Variants in CCDC30 observed in about 807,000 individuals in gnomAD.
CCDC30 encodes the protein coiled-coil domain-containing protein 30.
Under a neutral mutation model 100.2 loss-of-function variants are expected in CCDC30, and 70 were observed. That is an observed-to-expected ratio of 0.70 (90% CI 0.58 to 0.85). The LOEUF is 0.85. CCDC30 is among the 40% of genes least tolerant of loss of function. CCDC30 has a pLI of 0.00. For missense variants in CCDC30, 652 were observed against 771.2 expected (o/e 0.85, Z 1.83); for synonymous variants, 233 against 269.5 (o/e 0.86, Z 1.33).
chr1:42,560,789 G>A (rs1362828322), intron 6 of CCDC30, among the ~76,000 whole-genome samples: 1 of 152,078 alleles, frequency 6.6e-6, no homozygotes, highest in Non-Finnish European at 1.5e-5. Flanking sequence ...CATTGACTCT[G>A]CAGAAATACA....
In CCDC30 at chr1:42,545,555, G is replaced by A. The variant is rs771159252; in HGVS notation, c.457-20741G>A. The A allele has an allele frequency of 1.1e-5, 17 of 1,606,100 alleles. No homozygotes were observed. Among genetic ancestry groups the A allele is most frequent in the South Asian group, 2.2e-5 (2 of 89,082 alleles). On this transcript the variant is annotated intron_variant, in intron 6 of 16. Coordinates refer to ENST00000668663, the Ensembl canonical transcript of CCDC30. ...ATTTTGGAAACAGAAATTCAAAGCC[G>A]AAAGGAAGAGACAGAGGAACTCTGG...
chr1:42,520,461 A>T (rs1323852627), intron 6 of CCDC30, among the ~76,000 whole-genome samples: 2 of 150,970 alleles, frequency 1.3e-5, no homozygotes, highest in East Asian at 3.9e-4. Flanking sequence ...CCTCCTGAGT[A>T]GCTGGGATTA....
intron 3 of CCDC30, among the ~76,000 whole-genome samples, chr1:42,487,272 C>CATTGA: frequency 6.6e-6 from 1 of 151,966 alleles, no homozygotes; most frequent in Non-Finnish European, 1.5e-5. Context: ...TACTAAAAAC[C>CATTGA]ATTGAATTGT....
chr1:42,624,477 G>A (rs939820268), intron 11 of CCDC30, among the ~76,000 whole-genome samples: 3 of 151,974 alleles, frequency 2.0e-5, no homozygotes, highest in African/African-American at 7.3e-5. Flanking sequence ...CCATTTGCTC[G>A]GTTTTTCATT....
chr1:42,576,701 C>T (rs1013219230), intron 7 of CCDC30, among the ~76,000 whole-genome samples: 1 of 152,112 alleles, frequency 6.6e-6, no homozygotes, highest in African/African-American at 2.4e-5. Flanking sequence ...TTTATTTTGG[C>T]AATGAAGAGG....
In CCDC30 at chr1:42,479,565, T is replaced by TAAAAAAAAAAAAAAAAAAAA. The variant is rs150749741; in HGVS notation, c.-91-896_-91-895insAAAAAAAAAAAAAAAAAAAA. Among the ~76,000 whole-genome samples, 6 of 139,950 alleles carry TAAAAAAAAAAAAAAAAAAAA rather than the reference T, an allele frequency of 4.3e-5. 1 individual carries two copies. Among genetic ancestry groups the TAAAAAAAAAAAAAAAAAAAA allele is most frequent in the Non-Finnish European group, 6.1e-5 (4 of 65,132 alleles). The allele number at this position is 139,950 out of a possible 152,430, so 91.8% of individuals were successfully genotyped here. A position where few individuals can be genotyped will look rare whatever the true frequency, so the allele number is the denominator to read the frequency against. ...GGAACAATTAGATATAGACATATGCTTAAAAAAAAAAAAAAAAGCCTCCCA... is the reference window on the plus strand; with the variant it reads ...GGAACAATTAGATATAGACATATGCTAAAAAAAAAAAAAAAAAAAATAAAAAAAAAAAAAAAAGCCTCCCA... On this transcript the variant is annotated intron_variant, in intron 1 of 16. Coordinates refer to ENST00000668663, the Ensembl canonical transcript of CCDC30.
At chr1:42,461,209 A>C (rs1643402211), upstream of CCDC30, among the ~76,000 whole-genome samples, 2 of 152,234 alleles carry the variant, frequency 1.3e-5, no homozygotes, top group South Asian at 4.1e-4. Context: ...GAAGTACAAT[A>C]AATTTAATTG....
chr1:42,539,918 TAAA>T (rs11286901), intron 6 of CCDC30, among the ~76,000 whole-genome samples: 10 of 138,620 alleles, frequency 7.2e-5, no homozygotes, highest in Non-Finnish European at 7.9e-5. Context: ...ACCCCATCTC[TAAA>T]AAAAAAAAAA....
intron 9 of CCDC30, among the ~76,000 whole-genome samples, chr1:42,582,483 C>T (rs1645987725): frequency 6.6e-6 from 1 of 152,148 alleles, no homozygotes; most frequent in Admixed American, 6.5e-5. Flanking sequence ...AATAATTCCC[C>T]ATCAAAACTC....
chr1:42,606,741 C>T (rs994665639), intron 10 of CCDC30, among the ~76,000 whole-genome samples: 53 of 152,094 alleles, frequency 3.5e-4, no homozygotes, highest in Admixed American at 5.2e-4. Context: ...CCACTAGTGA[C>T]GTCGGAAATG....
intron 11 of CCDC30, among the ~76,000 whole-genome samples, chr1:42,616,601 C>A (rs1646731786): frequency 6.6e-6 from 1 of 152,172 alleles, no homozygotes. Context: ...TATAGACAAC[C>A]TGGTTTTACT....
At chr1:42,570,978 A>T (rs997795552) in intron 7 of CCDC30, 4 of 152,344 alleles carry the variant, frequency 2.6e-5, no homozygotes, top group African/African-American at 9.7e-5. Flanking sequence ...ACGCTGATGT[A>T]GATCCTCTTC....
intron 6 of CCDC30, among the ~76,000 whole-genome samples, chr1:42,541,206 T>C (rs942336185): frequency 2.0e-5 from 3 of 152,204 alleles, no homozygotes; most frequent in Non-Finnish European, 4.4e-5. Context: ...TGCAGACAGC[T>C]ATCTTCTCAT....
At chr1:42,542,448 C>T (rs961139917) in intron 6 of CCDC30, among the ~76,000 whole-genome samples, 4 of 152,078 alleles carry the variant, frequency 2.6e-5, no homozygotes, top group Non-Finnish European at 4.4e-5. Flanking sequence ...TCACCTCCCC[C>T]TCCTGGCCTC....
chr1:42,592,043 A>G (rs1237682387), intron 10 of CCDC30: 1 of 152,226 alleles, frequency 6.6e-6, no homozygotes, highest in Non-Finnish European at 1.5e-5. Context: ...TAATGCCTGT[A>G]CTACCACTGT....
intron 6 of CCDC30, chr1:42,537,133 CTAGCACTAAGCAAAGAGTCCTT>C (rs1644920329): frequency 4.4e-6 from 2 of 453,818 alleles, no homozygotes; most frequent in Non-Finnish European, 8.8e-6. Flanking sequence ...AAGCTGAGTT[CTAGCACTAAGCAAAGAGTCCTT>C]TATTTAGCAG....
intron 12 of CCDC30, among the ~76,000 whole-genome samples, chr1:42,638,410 G>T (rs1196024460): frequency 6.6e-6 from 1 of 151,724 alleles, no homozygotes; most frequent in Non-Finnish European, 1.5e-5. Context: ...TATAGTGAGA[G>T]AAGAAAAATA....
intron 6 of CCDC30, among the ~76,000 whole-genome samples, chr1:42,563,648 A>T (rs71654247): frequency 1.3e-5 from 2 of 152,192 alleles, no homozygotes; most frequent in Non-Finnish European, 2.9e-5. Flanking sequence ...TGGGAGGCCA[A>T]GGCGGGTGGA....
intron 7 of CCDC30, among the ~76,000 whole-genome samples, chr1:42,567,009 G>A (rs1355957555): frequency 6.6e-6 from 1 of 152,162 alleles, no homozygotes; most frequent in Non-Finnish European, 1.5e-5. Flanking sequence ...TAACCTCCGT[G>A]TAAAATAGTA....
Sources: allele counts gnomAD v4.1 joint callset (sites outside exome capture counted in the v4.1 genomes callset), GRCh38; gene constraint gnomAD v4.1.1; transcripts MANE v1.5; gene names NCBI Gene and HGNC (gene_info 2026-07-23, HGNC 2026-07-21).